LRIG1: variants seen among roughly 807,000 people sequenced by gnomAD.
The protein encoded by LRIG1 is leucine rich repeats and immunoglobulin like domains 1.
A neutral mutation model predicts 99.2 loss-of-function variants in LRIG1; 48 were observed. That is an observed-to-expected ratio of 0.48 (90% CI 0.38 to 0.62). The LOEUF is 0.62. Among genes scored for constraint, LRIG1 ranks in the 20% least tolerant of loss-of-function variants. The pLI, the probability that LRIG1 is intolerant of heterozygous loss-of-function variation, is 0.00. For synonymous variants in LRIG1, 772 were observed against 596.1 expected, an observed-to-expected ratio of 1.29 and a Z score of -4.30; for missense variants, 1,646 against 1,434.4, an observed-to-expected ratio of 1.15 and a Z score of -2.38.
intron 2 of LRIG1, 61 bp downstream of exon 2, chr3:66,462,377 G>A (rs1700374546): frequency 1.6e-6 from 2 of 1,258,446 alleles, no homozygotes; most frequent in Non-Finnish European, 2.3e-6. Context: ...TGCAATACAA[G>A]AGGATTTTCC....
intron 5 of LRIG1, among the ~76,000 whole-genome samples, chr3:66,413,535 T>TG (rs1202744766): frequency 6.6e-6 from 1 of 152,124 alleles, no homozygotes; most frequent in Non-Finnish European, 1.5e-5. Context: ...TTACTGCACA[T>TG]GGGGGCAGGG....
Position 66,451,645 on chromosome 3 carries a change from A to G in LRIG1, c.291-12T>C. 1 of 1,604,256 alleles carries G rather than the reference A, an allele frequency of 6.2e-7. No individual in the cohort carries two copies. The highest frequency in any genetic ancestry group is 8.5e-7 in the Non-Finnish European group (1 of 1,171,262). ...TATTATTGAGGTACCTGTAACAACA[A>G]CAAGAAATTAATCATGTAAGGCATT... On this transcript the variant is annotated splice_polypyrimidine_tract_variant and intron_variant, in intron 2 of 18. Coordinates refer to ENST00000273261, the MANE Select transcript of LRIG1 (RefSeq NM_015541.3).
intron 3 of LRIG1, among the ~76,000 whole-genome samples, chr3:66,441,828 T>C (rs1337377110): frequency 6.6e-6 from 1 of 152,132 alleles, no homozygotes; most frequent in Non-Finnish European, 1.5e-5. Context: ...TGGAGAGAAA[T>C]AACAGGATCC....
Position 66,492,008 on chromosome 3 carries a change from C to G in LRIG1, c.218+8182G>C, listed in dbSNP as rs148293023. Reference sequence around the variant, plus strand: ...CTAAAAGCTATGTATTTCAGATCATCTCTCAAGAAAAAGAAGCTGTACCTG... The same window carrying G: ...CTAAAAGCTATGTATTTCAGATCATGTCTCAAGAAAAAGAAGCTGTACCTG... On this transcript the variant is annotated intron_variant, in intron 1 of 18. Transcript: ENST00000273261. Among the ~76,000 whole-genome samples the G allele has an allele frequency of 4.8e-3, 727 of 152,302 alleles. 5 individuals carry two copies. Among genetic ancestry groups the G allele is most frequent in the African/African-American group, 0.017 (689 of 41,560 alleles).
intron 14 of LRIG1, 96 bp from the exon 15 acceptor site, chr3:66,383,497 T>C (rs1440564061): frequency 9.2e-7 from 1 of 1,086,750 alleles, no homozygotes; most frequent in Non-Finnish European, 1.3e-6. Flanking sequence ...AACATATCAA[T>C]GAGATGCATC....
chr3:66,474,584 G>T (rs1463343942), intron 1 of LRIG1, among the ~76,000 whole-genome samples: 1 of 152,118 alleles, frequency 6.6e-6, no homozygotes, highest in Non-Finnish European at 1.5e-5. Context: ...GACCTCAGGT[G>T]ATCCGCCCGC....
chr3:66,491,106 G>A (rs1701091909), intron 1 of LRIG1, among the ~76,000 whole-genome samples: 1 of 152,160 alleles, frequency 6.6e-6, no homozygotes, highest in Non-Finnish European at 1.5e-5. Context: ...CTAGTTCTTT[G>A]CTTTTTGAAG....
intron 1 of LRIG1, among the ~76,000 whole-genome samples, chr3:66,485,531 G>T (rs1424719876): frequency 2.0e-5 from 3 of 152,128 alleles, no homozygotes; most frequent in African/African-American, 4.8e-5. Context: ...ATTATCTAAC[G>T]ATTCATCAGT....
chr3:66,418,807 CT>C (rs1702705090), intron 3 of LRIG1, among the ~76,000 whole-genome samples: 1 of 152,104 alleles, frequency 6.6e-6, no homozygotes, highest in Admixed American at 6.5e-5. Flanking sequence ...TCGTGGACTC[CT>C]TTGTTTTTTT....
At chr3:66,393,594 C>G (rs2107966836) in intron 12 of LRIG1, among the ~76,000 whole-genome samples, 2 of 152,342 alleles carry the variant, frequency 1.3e-5, no homozygotes, top group South Asian at 4.1e-4. Flanking sequence ...GAGTACAAGT[C>G]AACATCAAGG....
chr3:66,450,928 G>A (rs1703885339), intron 3 of LRIG1, among the ~76,000 whole-genome samples: 1 of 152,170 alleles, frequency 6.6e-6, no homozygotes, highest in African/African-American at 2.4e-5. Context: ...AGAAATAGGG[G>A]TAGGATCAGT....
chr3:66,408,039 T>C (rs1364359681), intron 7 of LRIG1, among the ~76,000 whole-genome samples: 1 of 152,164 alleles, frequency 6.6e-6, no homozygotes, highest in Non-Finnish European at 1.5e-5. Flanking sequence ...CAGGCCTCCC[T>C]GCCCCCATCC....
chr3:66,467,108 G>C (rs537566064), intron 1 of LRIG1, among the ~76,000 whole-genome samples: 1 of 152,112 alleles, frequency 6.6e-6, no homozygotes, highest in Non-Finnish European at 1.5e-5. Context: ...TTTTATCCAG[G>C]CGTGTCTGAA....
rs536980463 is a variant in LRIG1, at chr3:66,400,641, G to A, written c.1161-1600C>T. 8.5e-5 allele frequency among the ~76,000 whole-genome samples: 13 copies of A among 152,280 alleles called. No individual in the cohort carries two copies. The East Asian group carries it at 2.3e-3, about 27-fold the overall frequency. On this transcript the variant is annotated intron_variant, in intron 9 of 18. Transcript: ENST00000273261. Reference sequence around the variant, plus strand: ...GGATCTCACCTAGCATCGGGGAAGAGACCGGACTAGAAGCCATCTCCACCT... The same window carrying A: ...GGATCTCACCTAGCATCGGGGAAGAAACCGGACTAGAAGCCATCTCCACCT...
At chr3:66,446,537 C>T (rs575598724) in intron 3 of LRIG1, among the ~76,000 whole-genome samples, 21 of 151,684 alleles carry the variant, frequency 1.4e-4, no homozygotes, top group African/African-American at 4.8e-4. Context: ...TCCTGAGTAG[C>T]TGGGATTACC....
intron 8 of LRIG1, among the ~76,000 whole-genome samples, chr3:66,407,121 A>G (rs1002634824): frequency 3.9e-5 from 6 of 152,058 alleles, no homozygotes; most frequent in African/African-American, 1.4e-4. Context: ...AGGAGCTGCC[A>G]TCCCTCTCTA....
chr3:66,469,907 C>CAAAAAAA (rs55768550), intron 1 of LRIG1, among the ~76,000 whole-genome samples: 3 of 115,800 alleles, frequency 2.6e-5, no homozygotes, highest in African/African-American at 3.5e-5. Flanking sequence ...CTGTCCCTAC[C>CAAAAAAA]AAAAAAAAAA....
chr3:66,382,507 C>T (rs907107244), intron 15 of LRIG1, 109 bp from the exon 16 acceptor site: 80 of 1,285,362 alleles, frequency 6.2e-5, no homozygotes, highest in Admixed American at 3.6e-4. Flanking sequence ...CGACCATCAG[C>T]GCTGTGCAGA....
chr3:66,470,068 G>A (rs1700562119), intron 1 of LRIG1, among the ~76,000 whole-genome samples: 1 of 152,144 alleles, frequency 6.6e-6, no homozygotes, highest in Non-Finnish European at 1.5e-5. Flanking sequence ...GAACAGTGTT[G>A]GTAGAAACCT....
Sources: gnomAD v4.1 joint callset for allele counts (sites outside exome capture counted in the v4.1 genomes callset) on GRCh38, gnomAD v4.1.1 for gene constraint, MANE v1.5 for transcripts, NCBI Gene and HGNC (gene_info 2026-07-23, HGNC 2026-07-21) for gene names.